Variants in TOGARAM2 observed in about 807,000 individuals in gnomAD.
The protein encoded by TOGARAM2 is TOG array regulator of axonemal microtubules protein 2.
TOGARAM2 carries 85 observed loss-of-function variants against 93.3 expected under a neutral mutation model. That is an observed-to-expected ratio of 0.91 (90% confidence interval 0.76 to 1.09). The LOEUF (loss-of-function observed/expected upper bound fraction) is 1.09. Ranked by LOEUF, TOGARAM2 falls within the 50% of genes least tolerant of loss-of-function variation. TOGARAM2 has a pLI of 0.00. For synonymous variants in TOGARAM2, 593 were observed against 552.8 expected, an observed-to-expected ratio of 1.07 and a Z score of -1.02; for missense variants, 1,277 against 1,334.5, an observed-to-expected ratio of 0.96 and a Z score of 0.67.
Position 29,017,814 on chromosome 2 carries a change from C to A in TOGARAM2, c.1218C>A (p.Ser406Arg), listed in dbSNP as rs111953532. The change falls in exon 10 of 20, where the codon AGC becomes AGA. Residue 406 changes from serine to arginine, a missense_variant. Physicochemically the swap from Ser to Arg is moderately radical, Grantham distance 110. Coordinates refer to ENST00000379558, the MANE Select transcript of TOGARAM2 (RefSeq NM_199280.4). ...CAGGCCTCCTTCCCCTCCGGGGCAG[C>A]GGGACACTGTCTGTGCCCACTAGGC... is the stretch of plus-strand genomic sequence containing the variant. ...MKEGLLPLRG[S>R]GTLSVPTRLS... The A allele has an allele frequency of 1.2e-6, 2 of 1,611,050 alleles. No individual in the cohort carries two copies. Among genetic ancestry groups the A allele is most frequent in the South Asian group, 2.2e-5 (2 of 90,718 alleles).
chr2:29,031,226 C>G (rs1243276699), intron 14 of TOGARAM2, among the ~76,000 whole-genome samples: 1 of 152,148 alleles, frequency 6.6e-6, no homozygotes, highest in African/African-American at 2.4e-5. Flanking sequence ...TGGCTATTCA[C>G]AGGTGTGATC....
At chr2:28,989,428 G>T (rs924959248) in intron 1 of TOGARAM2, among the ~76,000 whole-genome samples, 5 of 147,530 alleles carry the variant, frequency 3.4e-5, no homozygotes, top group African/African-American at 5.0e-5. Flanking sequence ...TTGAGACAGG[G>T]TCTTTGTCGC....
upstream of TOGARAM2, among the ~76,000 whole-genome samples, chr2:28,979,878 G>T (rs1297899998): frequency 1.3e-5 from 2 of 152,284 alleles, no homozygotes; most frequent in East Asian, 3.9e-4. Context: ...ATGGGCTTTG[G>T]GGGAGCTGCA....
At chr2:29,000,424 T>TA (rs2148283336) in intron 4 of TOGARAM2, among the ~76,000 whole-genome samples, 1 of 152,318 alleles carries the variant, frequency 6.6e-6, no homozygotes, top group Non-Finnish European at 1.5e-5. Context: ...GGGACACTAT[T>TA]AATAATACTT....
chr2:29,013,742 C>T lies in TOGARAM2; in HGVS notation c.878-653C>T, dbSNP rs140538367. On this transcript the variant is annotated intron_variant, in intron 7 of 19. Transcript: ENST00000379558. ...CAGCTAGCAGCTGATTGGATGGTGC[C>T]CACCCACACTGAGGATGGGTCCTCC... Among the ~76,000 whole-genome samples the T allele has an allele frequency of 2.0e-5, 3 of 152,294 alleles. No individual in the cohort carries two copies. In the East Asian group the frequency reaches 5.8e-4, roughly 29 times the overall value.
chr2:28,964,932 T>C (rs1049182660), intron 1 of TOGARAM2, among the ~76,000 whole-genome samples: 1 of 152,238 alleles, frequency 6.6e-6, no homozygotes, highest in Non-Finnish European at 1.5e-5. Context: ...CTATTGTGAA[T>C]AGTGCTGCAA....
At chr2:28,998,882 C>T (rs1673131498) in intron 3 of TOGARAM2, among the ~76,000 whole-genome samples, 1 of 152,002 alleles carries the variant, frequency 6.6e-6, no homozygotes, top group Non-Finnish European at 1.5e-5. Flanking sequence ...GGATGGTGGT[C>T]CCTGGGCAGA....
chr2:28,965,369 G>A (rs1671853623), intron 1 of TOGARAM2, among the ~76,000 whole-genome samples: 1 of 151,984 alleles, frequency 6.6e-6, no homozygotes, highest in South Asian at 2.1e-4. Flanking sequence ...CTTTTGGATT[G>A]AATAATTTTA....
At chr2:28,964,733 T>C (rs1451215329) in intron 1 of TOGARAM2, among the ~76,000 whole-genome samples, 3 of 148,952 alleles carry the variant, frequency 2.0e-5, no homozygotes, top group Non-Finnish European at 4.4e-5. Context: ...AGTGAGAACA[T>C]GTGGTGGTTG....
intron 1 of TOGARAM2, among the ~76,000 whole-genome samples, chr2:28,967,466 T>C (rs985084719): frequency 2.0e-5 from 3 of 151,904 alleles, no homozygotes; most frequent in Middle Eastern, 3.2e-3. Flanking sequence ...CAGAGAGAGA[T>C]CCTGTCTCAA....
At chr2:28,987,162 C>T (rs1672504823) in intron 1 of TOGARAM2, among the ~76,000 whole-genome samples, 2 of 152,210 alleles carry the variant, frequency 1.3e-5, no homozygotes, top group African/African-American at 4.8e-5. Flanking sequence ...TTCTCTATTT[C>T]CAAAGCTCAA....
chr2:28,976,152 C>T (rs1033252772), intron 1 of TOGARAM2, among the ~76,000 whole-genome samples: 10 of 152,250 alleles, frequency 6.6e-5, no homozygotes, highest in East Asian at 1.9e-4. Flanking sequence ...GGATGGATCA[C>T]GAGGTCAGGA....
At chr2:29,000,392 C>T (rs937175535) in intron 4 of TOGARAM2, among the ~76,000 whole-genome samples, 4 of 151,978 alleles carry the variant, frequency 2.6e-5, no homozygotes, top group East Asian at 3.9e-4. Flanking sequence ...TTTCAGGCCT[C>T]GATTTCCTCC....
chr2:29,035,768 T>C (rs1389722642), intron 17 of TOGARAM2, 112 bp downstream of exon 17: 8 of 1,098,242 alleles, frequency 7.3e-6, no homozygotes, highest in Non-Finnish European at 9.5e-6. Context: ...TGCTATGCAG[T>C]TGGCCTTTGT....
chr2:29,028,107 A>G (rs763355912), intron 14 of TOGARAM2, among the ~76,000 whole-genome samples: 1 of 152,200 alleles, frequency 6.6e-6, no homozygotes, highest in Non-Finnish European at 1.5e-5. Flanking sequence ...GCTGGAGCCC[A>G]GTTCCTCACA....
At chr2:29,043,248 GCC>G (rs1558469103) in intron 18 of TOGARAM2, among the ~76,000 whole-genome samples, 1 of 152,150 alleles carries the variant, frequency 6.6e-6, no homozygotes, top group Non-Finnish European at 1.5e-5. Flanking sequence ...TTATTTTAAA[GCC>G]GCTTGATTTG....
At chr2:29,047,070 C>T (rs1055333752) in intron 19 of TOGARAM2, 3 of 152,946 alleles carry the variant, frequency 2.0e-5, no homozygotes, top group Non-Finnish European at 4.4e-5. Context: ...GACCTTGGCA[C>T]CAGCTGCCCT....
At chr2:28,976,252 T>C (rs1212794984) in intron 1 of TOGARAM2, among the ~76,000 whole-genome samples, 1 of 152,100 alleles carries the variant, frequency 6.6e-6, no homozygotes, top group Non-Finnish European at 1.5e-5. Context: ...GTGCCTGTAG[T>C]CCCAGCTACT....
chr2:29,035,435 G>A (rs1443589753), intron 16 of TOGARAM2, 29 bp from the exon 17 acceptor site: 1 of 1,328,836 alleles, frequency 7.5e-7, no homozygotes, highest in Middle Eastern at 2.9e-4. Context: ...TCTTCCCTGG[G>A]GGGTTCAGAC....
Sources: gnomAD v4.1 joint callset for allele counts (sites outside exome capture counted in the v4.1 genomes callset) on GRCh38, gnomAD v4.1.1 for gene constraint, MANE v1.5 for transcripts, NCBI Gene and HGNC (gene_info 2026-07-23, HGNC 2026-07-21) for gene names.